The following RBMS3 variants were observed in gnomAD, a reference collection of about 807,000 sequenced individuals.
RBMS3 encodes RNA-binding motif, single-stranded-interacting protein 3.
Under a neutral mutation model 66.8 loss-of-function variants are expected in RBMS3, and 27 were observed. The ratio of observed to expected loss-of-function variants is 0.40; its 90% CI spans 0.30 to 0.56. RBMS3 has a LOEUF of 0.56. Ranked by LOEUF, RBMS3 falls within the 20% of genes least tolerant of loss-of-function variation. The pLI is 0.40. For missense variants in RBMS3, 513 were observed against 549.5 expected, an observed-to-expected ratio of 0.93 and a Z score of 0.66; for synonymous variants, 188 against 183.0, an observed-to-expected ratio of 1.03 and a Z score of -0.22.
intron 6 of RBMS3, among the ~76,000 whole-genome samples, chr3:29,815,697 T>C (rs1030645560): frequency 5.3e-5 from 8 of 152,112 alleles, no homozygotes; most frequent in African/African-American, 1.9e-4. Flanking sequence ...GAAAACCAAA[T>C]ATCCTTTGTT....
chr3:29,371,632 GTGTT>G (rs1239247519), intron 1 of RBMS3, among the ~76,000 whole-genome samples: 12 of 152,188 alleles, frequency 7.9e-5, no homozygotes, highest in Non-Finnish European at 1.6e-4. Flanking sequence ...GTATGTGTCT[GTGTT>G]TGTATGGGTG....
In RBMS3 at chr3:29,702,040, C is replaced by A. The variant is rs554147501; in HGVS notation, c.400-37680C>A. ...GGACTTGGAGAACTTTTATGTCTAG[C>A]TAAAGGTTTGTAAATATGCCAATCA... On this transcript the variant is annotated intron_variant, in intron 4 of 14. Transcript: ENST00000383767. Among the ~76,000 whole-genome samples the A allele has an allele frequency of 2.6e-5, 4 of 152,332 alleles. No individual in the cohort carries two copies. In the South Asian group the frequency reaches 8.3e-4, roughly 32 times the overall value.
chr3:29,306,770 A>T (rs1449944717), intron 1 of RBMS3, among the ~76,000 whole-genome samples: 1 of 151,688 alleles, frequency 6.6e-6, no homozygotes, highest in African/African-American at 2.4e-5. Flanking sequence ...TATCTGCTTG[A>T]CTTTGCTTAT....
At chr3:29,428,433 A>T (rs2041047242) in intron 1 of RBMS3, among the ~76,000 whole-genome samples, 1 of 152,146 alleles carries the variant, frequency 6.6e-6, no homozygotes, top group African/African-American at 2.4e-5. Context: ...TATCTGGCTC[A>T]TATATATTCA....
At chr3:29,677,584 C>A (rs146414913) in intron 4 of RBMS3, among the ~76,000 whole-genome samples, 3 of 151,980 alleles carry the variant, frequency 2.0e-5, no homozygotes, top group Non-Finnish European at 2.9e-5. Context: ...TCTATTCAAA[C>A]GCTCATTGCA....
chr3:29,659,188 A>G (rs1022523959), intron 4 of RBMS3, among the ~76,000 whole-genome samples: 1 of 152,132 alleles, frequency 6.6e-6, no homozygotes, highest in African/African-American at 2.4e-5. Context: ...TTTTAAATGT[A>G]CAGAGATTTT....
intron 10 of RBMS3, among the ~76,000 whole-genome samples, chr3:29,922,259 G>A (rs1264591096): frequency 6.6e-6 from 1 of 151,586 alleles, no homozygotes; most frequent in Non-Finnish European, 1.5e-5. Context: ...AGGCCGAGGC[G>A]GGTGGATCAT....
At chr3:29,726,205 A>C (rs894677027) in intron 4 of RBMS3, among the ~76,000 whole-genome samples, 7 of 152,230 alleles carry the variant, frequency 4.6e-5, no homozygotes, top group African/African-American at 1.7e-4. Context: ...GTTAGACCAT[A>C]TCTCAAAATA....
rs539448080 is a variant in RBMS3, at chr3:29,703,548, G to C, written c.400-36172G>C. Among the ~76,000 whole-genome samples the C allele has an allele frequency of 4.6e-5, 7 of 152,312 alleles. No individual in the cohort carries two copies. In the South Asian group the frequency reaches 1.5e-3, roughly 32 times the overall value. ...TGTGCTAACATATCTGCAATGCCCAGAGTATTTGTACAAGTAGTAGGTCTA... is the reference window on the plus strand; with the variant it reads ...TGTGCTAACATATCTGCAATGCCCACAGTATTTGTACAAGTAGTAGGTCTA... On this transcript the variant is annotated intron_variant, in intron 4 of 14. Transcript: ENST00000383767.
At chr3:29,897,577 T>A in intron 9 of RBMS3, 102 bp downstream of exon 9, 1 of 1,016,284 alleles carries the variant, frequency 9.8e-7, no homozygotes, top group Non-Finnish European at 1.5e-6. Flanking sequence ...AAAATTCTCA[T>A]ACACTTTAAT....
At chr3:29,773,184 C>A (rs964381778) in intron 6 of RBMS3, among the ~76,000 whole-genome samples, 3 of 151,924 alleles carry the variant, frequency 2.0e-5, no homozygotes, top group Admixed American at 6.6e-5. Flanking sequence ...CAAGCATAGA[C>A]CATGCTCACA....
At chr3:29,991,987 G>A (rs1474505674) in intron 14 of RBMS3, among the ~76,000 whole-genome samples, 1 of 152,082 alleles carries the variant, frequency 6.6e-6, no homozygotes, top group Non-Finnish European at 1.5e-5. Flanking sequence ...GCTTTGTGTT[G>A]AGTAAACATT....
At chr3:29,769,292 T>G (rs1360474463) in intron 6 of RBMS3, among the ~76,000 whole-genome samples, 1 of 151,816 alleles carries the variant, frequency 6.6e-6, no homozygotes, top group Non-Finnish European at 1.5e-5. Context: ...GGAAAAGATT[T>G]AGGGCAGCCA....
chr3:29,576,601 G>T (rs560936184), intron 3 of RBMS3, among the ~76,000 whole-genome samples: 63 of 152,330 alleles, frequency 4.1e-4, no homozygotes, highest in African/African-American at 1.5e-3. Flanking sequence ...GGTGGGTCCA[G>T]AGATACTGTC....
At chr3:29,989,136 GT>G (rs916225620) in intron 13 of RBMS3, among the ~76,000 whole-genome samples, 1 of 152,178 alleles carries the variant, frequency 6.6e-6, no homozygotes, top group Non-Finnish European at 1.5e-5. Context: ...CAAGAAAGAA[GT>G]TGTACAACTC....
In RBMS3 at chr3:29,675,200, C is replaced by T. The variant is rs535038780; in HGVS notation, c.400-64520C>T. On this transcript the variant is annotated intron_variant, in intron 4 of 14. Transcript: ENST00000383767. Reference sequence around the variant, plus strand: ...AAAGGATTCCCTATTTAATAAATAGCGCTGGGAAAACTGGCTAGCCATATG... The same window carrying T: ...AAAGGATTCCCTATTTAATAAATAGTGCTGGGAAAACTGGCTAGCCATATG... Among the ~76,000 whole-genome samples the T allele has an allele frequency of 1.1e-4, 16 of 152,188 alleles. 1 individual carries two copies. The highest frequency in any genetic ancestry group is 8.3e-4 in the South Asian group (4 of 4,824).
At chr3:29,597,940 C>A (rs1559498761) in intron 4 of RBMS3, among the ~76,000 whole-genome samples, 1 of 152,152 alleles carries the variant, frequency 6.6e-6, no homozygotes, top group Admixed American at 6.6e-5. Flanking sequence ...GGTAACTGAA[C>A]AAAGTTGCTT....
intron 3 of RBMS3, among the ~76,000 whole-genome samples, chr3:29,548,946 A>G (rs997923338): frequency 3.3e-5 from 5 of 152,122 alleles, no homozygotes; most frequent in African/African-American, 1.2e-4. Flanking sequence ...CAGAATGCAA[A>G]TTATTTTAAA....
chr3:29,895,838 T>C (rs1441286881), intron 8 of RBMS3, among the ~76,000 whole-genome samples: 1 of 151,524 alleles, frequency 6.6e-6, no homozygotes, highest in Non-Finnish European at 1.5e-5. Flanking sequence ...ATGTTTTGCT[T>C]TCCCACTAAC....
Sources: allele counts gnomAD v4.1 joint callset (sites outside exome capture counted in the v4.1 genomes callset), GRCh38; gene constraint gnomAD v4.1.1; transcripts MANE v1.5; gene names NCBI Gene and HGNC (gene_info 2026-07-23, HGNC 2026-07-21).